CACNA1B: variants seen among roughly 807,000 people sequenced by gnomAD.
CACNA1B encodes voltage-dependent N-type calcium channel subunit alpha-1B.
In CACNA1B, 70 loss-of-function variants were observed where a neutral mutation model predicts 247.2. That is an observed-to-expected ratio of 0.28 (90% confidence interval 0.23 to 0.35). The LOEUF (loss-of-function observed/expected upper bound fraction) is 0.35, where lower values mean the gene tolerates loss of function less well. CACNA1B is among the 10% of genes least tolerant of loss of function. The pLI is 1.00. For synonymous variants in CACNA1B, 1,231 were observed against 1,294.4 expected, an observed-to-expected ratio of 0.95 and a Z score of 1.05; for missense variants, 2,367 against 3,197.4, an observed-to-expected ratio of 0.74 and a Z score of 6.26.
chr9:138,023,492 C>G lies in CACNA1B; in HGVS notation c.2749C>G (p.Arg917Gly). The part of the protein sequence containing the change: ...GRGPGPEGGR[R>G]HHRRGSPEEA... Reference sequence around the variant, plus strand: ...AGGCCCAGGCCCCGAGGGCGGCCGGCGGCACCACCGGCGCGGCTCCCCGGA... The same window carrying G: ...AGGCCCAGGCCCCGAGGGCGGCCGGGGGCACCACCGGCGCGGCTCCCCGGA... Residue 917 changes from arginine to glycine, a missense_variant, in exon 19 of 47, where the codon CGG becomes GGG. By Grantham distance (125) the Arg-to-Gly change is moderately radical (BLOSUM62 -2). Around this residue, in one of 12 missense-constraint regions of CACNA1B, gnomAD observed 631 missense variants for 631.1 expected, o/e 1.00. Coordinates refer to ENST00000371372, the MANE Select transcript of CACNA1B (RefSeq NM_000718.4). 1 of 1,085,410 alleles carries G rather than the reference C, an allele frequency of 9.2e-7. No individual in the cohort carries two copies. The highest frequency in any genetic ancestry group is 1.1e-6 in the Non-Finnish European group (1 of 899,550). The allele number at this position is 1,085,410 out of a possible 1,614,324, so 67.2% of individuals were successfully genotyped here.
In CACNA1B at chr9:137,917,792, G is replaced by A. The variant is rs1463945285; in HGVS notation, c.966+361G>A. Among the ~76,000 whole-genome samples, 1 of 152,258 alleles carries A rather than the reference G, an allele frequency of 6.6e-6. No individual in the cohort carries two copies. The highest frequency in any genetic ancestry group is 6.5e-5 in the Admixed American group (1 of 15,290). On this transcript the variant is annotated intron_variant, in intron 6 of 46. Coordinates refer to ENST00000371372, the MANE Select transcript of CACNA1B (RefSeq NM_000718.4). This position sits in a 1 kb window ranked among gnomAD's most constrained non-coding sequence, Gnocchi z 5.5. ...TAGCTGCTCTGGGTTAGGCCCTCTG[G>A]GAAGTGTTTTATTCCTGTTGACTCC... is the stretch of plus-strand genomic sequence containing the variant.
chr9:138,043,932 C>A, intron 21 of CACNA1B, 32 bp downstream of exon 21: 1 of 1,606,606 alleles, frequency 6.2e-7, no homozygotes, highest in Non-Finnish European at 8.5e-7. Context: ...TGTGTGTGGC[C>A]GCCCACTCAC....
At chr9:138,095,920 A>G (rs1468575539) in intron 36 of CACNA1B, among the ~76,000 whole-genome samples, 1 of 112,270 alleles carries the variant, frequency 8.9e-6, no homozygotes, top group Admixed American at 1.4e-4. Flanking sequence ...AACAGAAAGG[A>G]GATTGGTGGT....
At position 138,117,941 on chromosome 9, in the gene CACNA1B, C is replaced by A; in HGVS notation, c.5778-5C>A. 1 of 1,570,148 alleles carries A rather than the reference C, an allele frequency of 6.4e-7. No homozygotes were observed. The highest frequency in any genetic ancestry group is 1.2e-5 in the South Asian group (1 of 84,506). The stretch of plus-strand genomic sequence containing the variant: ...ACAGGAATCTGTTTGTCTTCTCTGC[C>A]ACAGACAAAACCAAGAGAGTGGCAT... On this transcript the variant is annotated splice_polypyrimidine_tract_variant and splice_region_variant and intron_variant, in intron 42 of 46. Coordinates refer to ENST00000371372, the MANE Select transcript of CACNA1B (RefSeq NM_000718.4).
At position 137,880,999 on chromosome 9, in the gene CACNA1B, A is replaced by G. The variant is rs1244891144; in HGVS notation, c.391-1745A>G. On this transcript the variant is annotated intron_variant, in intron 2 of 46. Transcript: ENST00000371372. This position sits in a 1 kb window ranked among gnomAD's most constrained non-coding sequence, Gnocchi z 4.8. Reference sequence around the variant, plus strand: ...ATCCCTCCCACCTAAGCCAGCCTTCAGCCATGGGCTGGGCAGGGCAGAGCT... The same window carrying G: ...ATCCCTCCCACCTAAGCCAGCCTTCGGCCATGGGCTGGGCAGGGCAGAGCT... Among the ~76,000 whole-genome samples, 1 of 152,218 alleles carries G rather than the reference A, an allele frequency of 6.6e-6. No homozygotes were observed. The highest frequency in any genetic ancestry group is 1.5e-5 in the Non-Finnish European group (1 of 68,028).
chr9:137,934,883 C>G (rs1423128740), intron 6 of CACNA1B, among the ~76,000 whole-genome samples: 5 of 152,136 alleles, frequency 3.3e-5, no homozygotes, highest in Non-Finnish European at 2.9e-5. Flanking sequence ...TGAGAAGGAA[C>G]CAGAAAACCA....
At chr9:138,098,872 G>A (rs1400613603) in intron 37 of CACNA1B, among the ~76,000 whole-genome samples, 2 of 152,208 alleles carry the variant, frequency 1.3e-5, no homozygotes, top group East Asian at 1.9e-4. Flanking sequence ...CGAGCAGCCT[G>A]GGCTCACCCT....
At chr9:137,995,659 A>G (rs1327589302) in intron 15 of CACNA1B, among the ~76,000 whole-genome samples, 1 of 152,260 alleles carries the variant, frequency 6.6e-6, no homozygotes, top group Non-Finnish European at 1.5e-5. Flanking sequence ...AGCAAATGCA[A>G]CAAAAACAAA....
intron 3 of CACNA1B, among the ~76,000 whole-genome samples, chr9:137,902,051 G>T (rs552357894): frequency 6.6e-6 from 1 of 152,300 alleles, no homozygotes; most frequent in Admixed American, 6.5e-5. Flanking sequence ...GTTATATCCA[G>T]TGTTTTATAT....
chr9:137,951,656 T>C (rs1309246652), intron 6 of CACNA1B, among the ~76,000 whole-genome samples: 1 of 152,238 alleles, frequency 6.6e-6, no homozygotes, highest in African/African-American at 2.4e-5. Context: ...GCGCACCCTT[T>C]TGTGGGCTGT....
In CACNA1B at chr9:137,913,613, C is replaced by T. The variant is rs945341544; in HGVS notation, c.622+342C>T. Among the ~76,000 whole-genome samples the T allele has an allele frequency of 2.0e-5, 3 of 152,014 alleles. No homozygotes were observed. Among genetic ancestry groups the T allele is most frequent in the African/African-American group, 7.2e-5 (3 of 41,398 alleles). ...TTGACCAAGGTGGTGGGGAAGGATG[C>T]CTGAGAAAATGTGCAAAAGCTGCAA... On this transcript the variant is annotated intron_variant, in intron 4 of 46. Coordinates refer to ENST00000371372, the MANE Select transcript of CACNA1B (RefSeq NM_000718.4). This position sits in a 1 kb window ranked among gnomAD's most constrained non-coding sequence, Gnocchi z 5.2.
At chr9:137,949,102 T>TGGGTGTG (rs1957838626) in intron 6 of CACNA1B, among the ~76,000 whole-genome samples, 1 of 143,638 alleles carries the variant, frequency 7.0e-6, no homozygotes, top group Admixed American at 6.9e-5. Context: ...GTGTGCATGT[T>TGGGTGTG]TGTGGTGGCT....
chr9:138,095,279 A>G (rs903484191), intron 36 of CACNA1B, among the ~76,000 whole-genome samples: 2 of 152,196 alleles, frequency 1.3e-5, no homozygotes, highest in Admixed American at 6.5e-5. Flanking sequence ...AAACAGCTCA[A>G]TTTTTTAAAT....
intron 6 of CACNA1B, among the ~76,000 whole-genome samples, chr9:137,940,509 A>T (rs548767985): frequency 1.1e-4 from 16 of 152,302 alleles, no homozygotes; most frequent in Admixed American, 6.5e-5. Flanking sequence ...ATTGGTACCA[A>T]TCCTATCGAC....
At chr9:138,053,793 C>T (rs1427664106) in intron 25 of CACNA1B, 53 bp from the exon 26 acceptor site, 1 of 1,440,686 alleles carries the variant, frequency 6.9e-7, no homozygotes, top group Non-Finnish European at 9.7e-7. Context: ...CATGGCCCCA[C>T]TCTCCCACCA....
In CACNA1B at chr9:137,881,395, G is replaced by A. The variant is rs189216861; in HGVS notation, c.391-1349G>A. The stretch of plus-strand genomic sequence containing the variant: ...TGGGAGTCAGATGCGGAGAGCCCTC[G>A]AGAGCCTGGCTTCCTGGGGAGGAAG... On this transcript the variant is annotated intron_variant, in intron 2 of 46. Transcript: ENST00000371372. This position sits in a 1 kb window ranked among gnomAD's most constrained non-coding sequence, Gnocchi z 4.3. Among the ~76,000 whole-genome samples, 3 of 152,276 alleles carry A rather than the reference G, an allele frequency of 2.0e-5. No homozygotes were observed. Among genetic ancestry groups the A allele is most frequent in the Non-Finnish European group, 4.4e-5 (3 of 68,010 alleles).
intron 1 of CACNA1B, among the ~76,000 whole-genome samples, chr9:137,878,851 G>A (rs1426792897): frequency 6.6e-6 from 1 of 152,176 alleles, no homozygotes. Context: ...AGACTGCGGA[G>A]GCCCCGCCTC....
chr9:138,025,704 C>T (rs1958912590), intron 20 of CACNA1B, among the ~76,000 whole-genome samples: 1 of 152,208 alleles, frequency 6.6e-6, no homozygotes, highest in East Asian at 1.9e-4. Flanking sequence ...TGCTCACTCA[C>T]ATGCTCGGAA....
At position 137,914,115 on chromosome 9, in the gene CACNA1B, C is replaced by A. The variant is rs1402911355; in HGVS notation, c.623-539C>A. Among the ~76,000 whole-genome samples the A allele has an allele frequency of 1.3e-5, 2 of 152,088 alleles. No individual in the cohort carries two copies. The highest frequency in any genetic ancestry group is 6.5e-5 in the Admixed American group (1 of 15,274). ...GTCTGTTAGGAATACCTGTACTTCT[C>A]CCCCAGGATCCCCTGCTCTTCCCTC... On this transcript the variant is annotated intron_variant, in intron 4 of 46. Transcript: ENST00000371372. The surrounding 1 kb of genome is among the most constrained non-coding windows in gnomAD (Gnocchi z 4.3).
Sources: allele counts gnomAD v4.1 joint callset (sites outside exome capture counted in the v4.1 genomes callset), GRCh38; gene constraint gnomAD v4.1.1; regional missense constraint gnomAD v4.1.1; non-coding constraint Gnocchi (gnomAD v3.1); transcripts MANE v1.5; gene names NCBI Gene and HGNC (gene_info 2026-07-23, HGNC 2026-07-21).